ADGRB3: variants seen among roughly 807,000 people sequenced by gnomAD.
The protein encoded by ADGRB3 is brain-specific angiogenesis inhibitor 3.
ADGRB3 carries 37 observed loss-of-function variants against 193.4 expected under a neutral mutation model. The observed-to-expected ratio is 0.19, with a 90% CI of 0.15 to 0.25. ADGRB3 has a LOEUF of 0.25. Among genes scored for constraint, ADGRB3 ranks in the 10% least tolerant of loss-of-function variants. ADGRB3 has a pLI of 1.00. For missense variants in ADGRB3, 1,637 were observed against 1,852.9 expected, an observed-to-expected ratio of 0.88 and a Z score of 2.14; for synonymous variants, 690 against 644.2, an observed-to-expected ratio of 1.07 and a Z score of -1.08.
At chr6:69,231,434 A>T (rs1766136989) in intron 17 of ADGRB3, among the ~76,000 whole-genome samples, 1 of 152,256 alleles carries the variant, frequency 6.6e-6, no homozygotes. Context: ...ATTAAAGTAA[A>T]GCTGCCATCC....
chr6:69,115,087 A>T (rs1175086718), intron 17 of ADGRB3, among the ~76,000 whole-genome samples: 1 of 152,196 alleles, frequency 6.6e-6, no homozygotes, highest in Non-Finnish European at 1.5e-5. Context: ...CAGCAATCCC[A>T]TTACTGGGTA....
intron 13 of ADGRB3, among the ~76,000 whole-genome samples, chr6:69,035,960 A>G (rs1770856376): frequency 6.6e-6 from 1 of 152,192 alleles, no homozygotes; most frequent in African/African-American, 2.4e-5. Flanking sequence ...GTGGAAATCC[A>G]GAGTTAAGCT....
chr6:68,846,354 C>T (rs1013543352), intron 3 of ADGRB3, among the ~76,000 whole-genome samples: 3 of 152,160 alleles, frequency 2.0e-5, no homozygotes, highest in Admixed American at 6.5e-5. Flanking sequence ...CAGAAATTTG[C>T]ATAAATAGCA....
At chr6:68,868,952 TTTAAAC>T (rs1294750011) in intron 3 of ADGRB3, among the ~76,000 whole-genome samples, 2 of 114,360 alleles carry the variant, frequency 1.7e-5, no homozygotes, top group Non-Finnish European at 3.9e-5. Flanking sequence ...AGTGTGTGTG[TTTAAAC>T]TTAATCTTAG....
At chr6:68,683,913 A>G (rs1764938669) in intron 3 of ADGRB3, among the ~76,000 whole-genome samples, 1 of 152,194 alleles carries the variant, frequency 6.6e-6, no homozygotes, top group Non-Finnish European at 1.5e-5. Context: ...GCATAGGACT[A>G]CCTACACTAT....
intron 17 of ADGRB3, among the ~76,000 whole-genome samples, chr6:69,202,672 T>C (rs771669665): frequency 6.6e-6 from 1 of 152,150 alleles, no homozygotes; most frequent in Non-Finnish European, 1.5e-5. Context: ...TAGTTGAGGG[T>C]TGACTATGTA....
intron 29 of ADGRB3, among the ~76,000 whole-genome samples, chr6:69,365,623 T>C (rs1046485360): frequency 3.9e-5 from 6 of 152,102 alleles, no homozygotes; most frequent in African/African-American, 1.4e-4. Flanking sequence ...ACAAAATGCT[T>C]ACCCAAAATA....
chr6:68,927,690 A>T (rs1767219805), intron 3 of ADGRB3, among the ~76,000 whole-genome samples: 1 of 152,088 alleles, frequency 6.6e-6, no homozygotes, highest in Admixed American at 6.6e-5. Flanking sequence ...TACAAATTTG[A>T]ATTAAGTCTA....
intron 17 of ADGRB3, among the ~76,000 whole-genome samples, chr6:69,188,932 G>T (rs1765125320): frequency 6.6e-6 from 1 of 152,028 alleles, no homozygotes; most frequent in Non-Finnish European, 1.5e-5. Context: ...GTAAAATAAA[G>T]TATCTGCGTA....
chr6:68,790,321 C>G (rs901498222), intron 3 of ADGRB3, among the ~76,000 whole-genome samples: 2 of 152,166 alleles, frequency 1.3e-5, no homozygotes, highest in Admixed American at 6.5e-5. Context: ...GTGGCCTAAT[C>G]AAGGAGGCCT....
intron 3 of ADGRB3, among the ~76,000 whole-genome samples, chr6:68,864,726 C>T (rs1239716557): frequency 6.6e-6 from 1 of 152,132 alleles, no homozygotes; most frequent in African/African-American, 2.4e-5. Flanking sequence ...AAGTTACTGG[C>T]CAGTTCATTT....
chr6:69,383,883 C>T (rs893322239), intron 31 of ADGRB3, among the ~76,000 whole-genome samples: 1 of 151,890 alleles, frequency 6.6e-6, no homozygotes, highest in African/African-American at 2.4e-5. Context: ...CTTTGCGGCC[C>T]TTGGATGGTC....
At chr6:69,049,926 C>A (rs759169770) in intron 15 of ADGRB3, among the ~76,000 whole-genome samples, 38 of 152,188 alleles carry the variant, frequency 2.5e-4, no homozygotes, top group Non-Finnish European at 5.0e-4. Context: ...TCTACCAAAA[C>A]TAACTTATTT....
At chr6:69,178,782 T>G (rs917211206) in intron 17 of ADGRB3, among the ~76,000 whole-genome samples, 1 of 152,200 alleles carries the variant, frequency 6.6e-6, no homozygotes, top group Non-Finnish European at 1.5e-5. Flanking sequence ...AGTCCCTCAG[T>G]CTCTATTGGT....
At chr6:69,012,512 T>G (rs551496175) in intron 11 of ADGRB3, among the ~76,000 whole-genome samples, 47 of 152,150 alleles carry the variant, frequency 3.1e-4, no homozygotes, top group African/African-American at 1.1e-3. Flanking sequence ...GACTAAGCCC[T>G]TCAAATGTTA....
intron 3 of ADGRB3, among the ~76,000 whole-genome samples, chr6:68,793,178 A>C (rs1484723530): frequency 1.3e-5 from 2 of 152,162 alleles, no homozygotes; most frequent in Non-Finnish European, 2.9e-5. Flanking sequence ...GTTCGTGTAC[A>C]TGTCCTGTAA....
chr6:69,062,485 A>G (rs1438068156), intron 15 of ADGRB3, among the ~76,000 whole-genome samples: 1 of 151,896 alleles, frequency 6.6e-6, no homozygotes, highest in African/African-American at 2.4e-5. Context: ...CCACATTGCA[A>G]TTATTTATTG....
rs1398214571 is a variant in ADGRB3, at chr6:69,075,996, G to A, written c.2438G>A (p.Gly813Asp). The change falls in exon 17 of 32, where the codon GGT becomes GAT. Residue 813 changes from glycine to aspartate, a missense_variant and splice_region_variant. By Grantham distance (94) the Gly-to-Asp change is moderately conservative. Around this residue, in one of 7 missense-constraint regions of ADGRB3, gnomAD observed 641 missense variants for 673.9 expected, o/e 0.95. Coordinates refer to ENST00000370598, the MANE Select transcript of ADGRB3 (RefSeq NM_001704.3). The part of the protein sequence containing the change: ...LEIELAHLAN[G>D]TLNPYCVLWD... ...ATTCTTTCTCTGCTTTTTTTTTAGGGTACTTTGAATCCCTATTGTGTATTG... is the reference window on the plus strand; with the variant it reads ...ATTCTTTCTCTGCTTTTTTTTTAGGATACTTTGAATCCCTATTGTGTATTG... The A allele has an allele frequency of 2.5e-6, 4 of 1,606,622 alleles. No homozygotes were observed. Among genetic ancestry groups the A allele is most frequent in the Admixed American group, 3.4e-5 (2 of 59,178 alleles).
At chr6:68,777,044 A>T (rs543679555) in intron 3 of ADGRB3, among the ~76,000 whole-genome samples, 1 of 152,240 alleles carries the variant, frequency 6.6e-6, no homozygotes, top group Non-Finnish European at 1.5e-5. Context: ...CAGCCCTTTT[A>T]AAAAACTGAT....
Sources: allele counts gnomAD v4.1 joint callset (sites outside exome capture counted in the v4.1 genomes callset), GRCh38; gene constraint gnomAD v4.1.1; regional missense constraint gnomAD v4.1.1; transcripts MANE v1.5; gene names NCBI Gene and HGNC (gene_info 2026-07-23, HGNC 2026-07-21).